Variants in NRXN1 observed in about 807,000 individuals in gnomAD.
NRXN1 encodes the protein neurexin 1.
In NRXN1, 39 loss-of-function variants were observed where a neutral mutation model predicts 150.9. The observed-to-expected ratio is 0.26, with a 90% CI of 0.20 to 0.34. The LOEUF (loss-of-function observed/expected upper bound fraction) is 0.34, where lower values mean the gene tolerates loss of function less well. Among genes scored for constraint, NRXN1 ranks in the 10% least tolerant of loss-of-function variants. NRXN1 has a pLI of 1.00. For synonymous variants in NRXN1, 924 were observed against 757.0 expected (o/e 1.22, Z -3.62); for missense variants, 1,815 against 1,949.9 (o/e 0.93, Z 1.30).
intron 2 of NRXN1, among the ~76,000 whole-genome samples, chr2:50,984,186 T>A (rs930078646): frequency 7.2e-6 from 1 of 138,802 alleles, no homozygotes; most frequent in Admixed American, 7.7e-5. Flanking sequence ...GGTTTCACCA[T>A]GTTGGCTAGG....
chr2:50,790,489 C>T (rs1045085338), intron 5 of NRXN1, among the ~76,000 whole-genome samples: 10 of 152,028 alleles, frequency 6.6e-5, no homozygotes, highest in African/African-American at 2.4e-4. Flanking sequence ...GGTGTGGTGG[C>T]AGGTACCTGT....
In NRXN1 at chr2:50,497,510, T is replaced by C. The variant is rs1206038535; in HGVS notation, c.2702A>G (p.Asn901Ser). The change falls in exon 14 of 23, where the codon AAC becomes AGC. Residue 901 changes from asparagine (N) to serine (S), a missense_variant. Physicochemically the swap from Asn to Ser is conservative, Grantham distance 46. Transcript: ENST00000401669. ...CELNARFGFR[N>S]IIADPVTFKT... ...GAAGGTGACAGGATCTGCTATGATG[T>C]TCCTGAAGCCAAATCTGGCATTAAG... 1.2e-6 allele frequency: 2 copies of C among 1,613,804 alleles called. No individual in the cohort carries two copies. The highest frequency in any genetic ancestry group is 1.7e-6 in the Non-Finnish European group (2 of 1,179,860).
rs201150784 is a variant in NRXN1 at position 50,347,344 on chromosome 2, G to A, written c.3365-110374C>T. On this transcript the variant is annotated intron_variant, in intron 17 of 22. Coordinates refer to ENST00000401669, the MANE Select transcript of NRXN1 (RefSeq NM_001330078.2). This position sits in a 1 kb window ranked among gnomAD's most constrained non-coding sequence, Gnocchi z 4.9. ...CGAGAAATTGTTTAAAGCTCCTCCT[G>A]GAAGGTCCTCACTTCTACATGACAG... 73 of 1,237,128 alleles carry A rather than the reference G, an allele frequency of 5.9e-5. No homozygotes were observed. Among genetic ancestry groups the A allele is most frequent in the Non-Finnish European group, 7.3e-5 (70 of 964,530 alleles). The allele number at this position is 1,237,128 out of a possible 1,614,324, so 76.6% of individuals were successfully genotyped here. A position where few individuals can be genotyped will look rare whatever the true frequency, so the allele number is the denominator to read the frequency against.
chr2:50,070,537 G>A (rs1413849885), intron 19 of NRXN1, among the ~76,000 whole-genome samples: 5 of 151,862 alleles, frequency 3.3e-5, no homozygotes, highest in Admixed American at 6.6e-5. Flanking sequence ...TTGGGAGGCC[G>A]AGGCGGGCGG....
intron 2 of NRXN1, among the ~76,000 whole-genome samples, chr2:51,025,630 C>G (rs1670324877): frequency 6.6e-6 from 1 of 152,090 alleles, no homozygotes; most frequent in Non-Finnish European, 1.5e-5. Flanking sequence ...AGACAATTTT[C>G]CCATAAAATA....
chr2:51,005,184 T>C (rs1318461934), intron 2 of NRXN1, among the ~76,000 whole-genome samples: 1 of 151,966 alleles, frequency 6.6e-6, no homozygotes, highest in African/African-American at 2.4e-5. Context: ...TTATTCCTCA[T>C]CTTCTTTATT....
intron 21 of NRXN1, among the ~76,000 whole-genome samples, chr2:50,030,702 T>C (rs925006675): frequency 6.6e-6 from 1 of 152,136 alleles, no homozygotes; most frequent in Non-Finnish European, 1.5e-5. Flanking sequence ...CAACTTGAAA[T>C]ATGTTGTAAG....
At chr2:50,084,712 G>A (rs949611217) in intron 19 of NRXN1, among the ~76,000 whole-genome samples, 36 of 152,298 alleles carry the variant, frequency 2.4e-4, no homozygotes, top group Non-Finnish European at 4.0e-4. Context: ...CGCCGAGGCC[G>A]AGGAGGCACC....
At chr2:51,007,260 T>C (rs1667163262) in intron 2 of NRXN1, among the ~76,000 whole-genome samples, 1 of 151,884 alleles carries the variant, frequency 6.6e-6, no homozygotes, top group South Asian at 2.1e-4. Context: ...ATTTCTGAAA[T>C]ACAGAAAGGG....
Position 50,055,059 on chromosome 2 carries a change from G to A in NRXN1, c.3719-15C>T. ...ATCATTGTTTCCTTTAAAGTTTAAA[G>A]AGACATTTCATTGGTTAAAATCTGT... is the stretch of plus-strand genomic sequence containing the variant. On this transcript the variant is annotated splice_polypyrimidine_tract_variant and intron_variant, in intron 19 of 22. Coordinates refer to ENST00000401669, the MANE Select transcript of NRXN1 (RefSeq NM_001330078.2). 1.3e-6 allele frequency: 2 copies of A among 1,558,828 alleles called. No homozygotes were observed. Among genetic ancestry groups the A allele is most frequent in the Non-Finnish European group, 1.7e-6 (2 of 1,146,528 alleles).
At chr2:50,006,039 C>A (rs575742981) in intron 21 of NRXN1, among the ~76,000 whole-genome samples, 1 of 152,138 alleles carries the variant, frequency 6.6e-6, no homozygotes, top group South Asian at 2.1e-4. Flanking sequence ...TCTACCTCAT[C>A]AGTGACTACC....
At chr2:50,416,399 G>C (rs1390238195) in intron 17 of NRXN1, among the ~76,000 whole-genome samples, 1 of 152,040 alleles carries the variant, frequency 6.6e-6, no homozygotes. Flanking sequence ...TAAGCTTTGT[G>C]TTCCCTCTAC....
intron 18 of NRXN1, among the ~76,000 whole-genome samples, chr2:50,142,962 C>T (rs1038294389): frequency 2.6e-5 from 4 of 151,612 alleles, no homozygotes; most frequent in African/African-American, 7.3e-5. Flanking sequence ...ACCCTATCCC[C>T]GTAACAGAAT....
chr2:50,420,355 T>A (rs1270628251), intron 17 of NRXN1, among the ~76,000 whole-genome samples: 5 of 151,750 alleles, frequency 3.3e-5, no homozygotes, highest in African/African-American at 1.2e-4. Flanking sequence ...CTACCCCTGG[T>A]TTTGCAAATA....
At chr2:50,897,337 C>A (rs1682145917) in intron 5 of NRXN1, among the ~76,000 whole-genome samples, 1 of 152,256 alleles carries the variant, frequency 6.6e-6, no homozygotes, top group South Asian at 2.1e-4. Context: ...ACTTTCAACA[C>A]AAAATTTTTC....
intron 5 of NRXN1, among the ~76,000 whole-genome samples, chr2:50,910,368 C>T (rs1684349376): frequency 1.3e-5 from 2 of 151,968 alleles, no homozygotes; most frequent in South Asian, 4.1e-4. Flanking sequence ...ACTTCATCCC[C>T]ATAGCTAAAA....
At chr2:50,196,867 C>G (rs774087603) in intron 18 of NRXN1, among the ~76,000 whole-genome samples, 1 of 151,856 alleles carries the variant, frequency 6.6e-6, no homozygotes, top group Non-Finnish European at 1.5e-5. Context: ...TGAGAACTTA[C>G]GAACACAAAG....
chr2:50,399,765 C>G (rs1235453272), intron 17 of NRXN1, among the ~76,000 whole-genome samples: 2 of 95,790 alleles, frequency 2.1e-5, no homozygotes, highest in Admixed American at 3.1e-4. Context: ...CCAAATCTAC[C>G]CAGCTCTGTA....
intron 18 of NRXN1, among the ~76,000 whole-genome samples, chr2:50,120,283 CA>C (rs5831089): frequency 0.36 from 54,544 of 151,514 alleles, 11,473 homozygotes; most frequent in African/African-American, 0.57. Context: ...TAGGGAACTC[CA>C]AAAAAATGTT....
Sources: allele counts gnomAD v4.1 joint callset (sites outside exome capture counted in the v4.1 genomes callset), GRCh38; gene constraint gnomAD v4.1.1; non-coding constraint Gnocchi (gnomAD v3.1); transcripts MANE v1.5; gene names NCBI Gene and HGNC (gene_info 2026-07-23, HGNC 2026-07-21).